GRID2: variants seen among roughly 807,000 people sequenced by gnomAD.
GRID2 encodes the protein glutamate ionotropic receptor delta type subunit 2, also known as glutamate receptor ionotropic, delta-2.
Under a neutral mutation model 114.8 loss-of-function variants are expected in GRID2, and 33 were observed. The observed-to-expected ratio is 0.29, with a 90% CI of 0.22 to 0.38. The LOEUF (loss-of-function observed/expected upper bound fraction) is 0.38. GRID2 is among the 10% of genes least tolerant of loss of function. The pLI is 1.00. For synonymous variants in GRID2, 505 were observed against 449.9 expected (o/e 1.12, Z -1.55); for missense variants, 1,184 against 1,257.7 (o/e 0.94, Z 0.89).
intron 2 of GRID2, among the ~76,000 whole-genome samples, chr4:92,844,972 C>G (rs1382947415): frequency 6.6e-6 from 1 of 152,088 alleles, no homozygotes. Flanking sequence ...GGCTGTTGAG[C>G]ACTAACTAGT....
intron 1 of GRID2, among the ~76,000 whole-genome samples, chr4:92,534,494 C>A (rs1487979477): frequency 6.6e-6 from 1 of 152,058 alleles, no homozygotes; most frequent in African/African-American, 2.4e-5. Flanking sequence ...TTGTGGTAGT[C>A]CTGAGTTTAA....
intron 13 of GRID2, among the ~76,000 whole-genome samples, chr4:93,593,033 A>G (rs1317208064): frequency 6.6e-6 from 1 of 151,674 alleles, no homozygotes; most frequent in Non-Finnish European, 1.5e-5. Flanking sequence ...TGTGTCTTTT[A>G]ATTGGAGAAT....
At chr4:93,702,674 A>G (rs953716016) in intron 14 of GRID2, among the ~76,000 whole-genome samples, 2 of 152,158 alleles carry the variant, frequency 1.3e-5, no homozygotes, top group Non-Finnish European at 2.9e-5. Context: ...GTTTGTATCA[A>G]TAGATACTAC....
At chr4:92,335,559 A>G (rs1398661238) in intron 1 of GRID2, among the ~76,000 whole-genome samples, 1 of 152,226 alleles carries the variant, frequency 6.6e-6, no homozygotes, top group African/African-American at 2.4e-5. Context: ...AAGAAATCAC[A>G]GGTATCTTGT....
chr4:92,736,584 C>T (rs2149328212), intron 2 of GRID2, among the ~76,000 whole-genome samples: 1 of 152,150 alleles, frequency 6.6e-6, no homozygotes, highest in Middle Eastern at 3.4e-3. Context: ...TATGCCATTA[C>T]CAAATACAAC....
chr4:93,480,502 T>C (rs1459153306), intron 11 of GRID2, among the ~76,000 whole-genome samples: 2 of 152,062 alleles, frequency 1.3e-5, no homozygotes, highest in African/African-American at 4.8e-5. Flanking sequence ...TTGTATATTA[T>C]GTAAATTATG....
At chr4:93,141,160 C>G (rs187234549) in intron 4 of GRID2, among the ~76,000 whole-genome samples, 85 of 151,954 alleles carry the variant, frequency 5.6e-4, no homozygotes, top group Admixed American at 1.1e-3. Context: ...TTTTGTAGTT[C>G]TATTTATTTT....
At chr4:93,096,063 C>A (rs1254475737) in intron 3 of GRID2, among the ~76,000 whole-genome samples, 3 of 152,024 alleles carry the variant, frequency 2.0e-5, no homozygotes, top group East Asian at 1.9e-4. Context: ...AGAAATCAAC[C>A]CACAGGCATA....
At chr4:93,772,021 TA>T in intron 15 of GRID2, 54 bp from the exon 16 acceptor site, 1 of 1,027,076 alleles carries the variant, frequency 9.7e-7, no homozygotes. Context: ...TTTTTTTTTT[TA>T]ACCATCAAAG....
intron 1 of GRID2, among the ~76,000 whole-genome samples, chr4:92,486,633 CAG>C (rs1722911721): frequency 6.7e-6 from 1 of 148,268 alleles, no homozygotes; most frequent in Non-Finnish European, 1.5e-5. Flanking sequence ...TAAGAATCAA[CAG>C]AGTAAAAAGA....
rs988107283 is a variant in GRID2 at position 92,665,238 on chromosome 4, C to CTCAAG, written c.244+74956_244+74960dup. ...TACCATGGTAATTACATTTAACATC[C>CTCAAG]TCAAGTCATAACACTCTAGTTTGAA... On this transcript the variant is annotated intron_variant, in intron 2 of 15. Transcript: ENST00000282020. 7.4e-5 allele frequency among the ~76,000 whole-genome samples: 11 copies of CTCAAG among 149,070 alleles called. 1 individual carries two copies. The highest frequency in any genetic ancestry group is 3.0e-5 in the Non-Finnish European group (2 of 66,914).
intron 8 of GRID2, among the ~76,000 whole-genome samples, chr4:93,270,581 G>T (rs1004047605): frequency 6.6e-6 from 1 of 151,990 alleles, no homozygotes; most frequent in Admixed American, 6.6e-5. Flanking sequence ...CCTCGACCGA[G>T]AGAGGATAAC....
intron 2 of GRID2, among the ~76,000 whole-genome samples, chr4:92,620,117 A>G (rs75342741): frequency 0.047 from 7,106 of 151,856 alleles, 551 homozygotes; most frequent in African/African-American, 0.16. Flanking sequence ...TGAGGACCAG[A>G]TAAGACTGGC....
chr4:93,012,362 T>C (rs1722265634), intron 2 of GRID2, among the ~76,000 whole-genome samples: 1 of 152,024 alleles, frequency 6.6e-6, no homozygotes, highest in Non-Finnish European at 1.5e-5. Context: ...ATTTATTCCT[T>C]AGCATCACCC....
Position 92,601,255 on chromosome 4 carries a change from A to G in GRID2, c.244+10969A>G, listed in dbSNP as rs533860122. On this transcript the variant is annotated intron_variant, in intron 2 of 15. Transcript: ENST00000282020. ...ACATTCTTAGCAGAGCATGGCACTT[A>G]CATTAAAATTCATCACATAATTAGA... is the stretch of plus-strand genomic sequence containing the variant. Among the ~76,000 whole-genome samples the G allele has an allele frequency of 5.3e-4, 80 of 152,334 alleles. No homozygotes were observed. The Middle Eastern group carries it at 0.01, about 19-fold the overall frequency.
rs757537309 is a variant in GRID2, at chr4:92,406,213, C to A, written c.88+101469C>A. On this transcript the variant is annotated intron_variant, in intron 1 of 15. Coordinates refer to ENST00000282020, the MANE Select transcript of GRID2 (RefSeq NM_001510.4). Reference sequence around the variant, plus strand: ...ACAGACACACCAAGGATCAACATTGCATTCTCCAATCCAATCAAGTTGACA... The same window carrying A: ...ACAGACACACCAAGGATCAACATTGAATTCTCCAATCCAATCAAGTTGACA... 7.9e-5 allele frequency among the ~76,000 whole-genome samples: 12 copies of A among 152,176 alleles called. 1 individual carries two copies. Among genetic ancestry groups the A allele is most frequent in the Non-Finnish European group, 1.5e-4 (10 of 68,016 alleles).
At chr4:92,311,018 T>C (rs905929089) in intron 1 of GRID2, among the ~76,000 whole-genome samples, 4 of 152,064 alleles carry the variant, frequency 2.6e-5, no homozygotes, top group Non-Finnish European at 2.9e-5. Context: ...TAGTATCTGA[T>C]TGAGAGAGCT....
At chr4:92,983,680 A>T (rs959472238) in intron 2 of GRID2, among the ~76,000 whole-genome samples, 2 of 152,104 alleles carry the variant, frequency 1.3e-5, no homozygotes, top group Non-Finnish European at 2.9e-5. Context: ...TTTAAGATGG[A>T]AAACACCTAT....
chr4:93,173,040 T>C (rs1489090596), intron 4 of GRID2, among the ~76,000 whole-genome samples: 2 of 152,154 alleles, frequency 1.3e-5, no homozygotes, highest in African/African-American at 4.8e-5. Flanking sequence ...TAACAACATG[T>C]TTCACTTTTT....
Sources: gnomAD v4.1 joint callset for allele counts (sites outside exome capture counted in the v4.1 genomes callset) on GRCh38, gnomAD v4.1.1 for gene constraint, MANE v1.5 for transcripts, NCBI Gene and HGNC (gene_info 2026-07-23, HGNC 2026-07-21) for gene names.